Variants in DDX10 observed in about 807,000 individuals in gnomAD.
DDX10 encodes the protein DEAD-box helicase 10.
In DDX10, 74 loss-of-function variants were observed where a neutral mutation model predicts 104.3. The observed-to-expected ratio is 0.71, with a 90% CI of 0.59 to 0.86. The LOEUF (loss-of-function observed/expected upper bound fraction) is 0.86. Ranked by LOEUF, DDX10 falls within the 40% of genes least tolerant of loss-of-function variation. The pLI is 0.00. For missense variants in DDX10, 952 were observed against 1,040.0 expected (o/e 0.92, Z 1.16); for synonymous variants, 351 against 353.4 (o/e 0.99, Z 0.08).
chr11:108,921,455 T>C (rs1027882378), intron 17 of DDX10: 1 of 152,234 alleles, frequency 6.6e-6, no homozygotes, highest in African/African-American at 2.4e-5. Context: ...TAAGATCTTA[T>C]GATGTCAGCT....
intron 15 of DDX10, among the ~76,000 whole-genome samples, chr11:108,848,264 C>G (rs1480109079): frequency 6.6e-6 from 1 of 152,076 alleles, no homozygotes; most frequent in Non-Finnish European, 1.5e-5. Flanking sequence ...TGCCAGAATC[C>G]ATTTTTCCAT....
intron 16 of DDX10, among the ~76,000 whole-genome samples, chr11:108,880,440 T>C (rs755835806): frequency 4.1e-4 from 63 of 152,194 alleles, no homozygotes; most frequent in Non-Finnish European, 3.4e-4. Flanking sequence ...ATAACAGCAT[T>C]GCCTTATGTG....
intron 16 of DDX10, among the ~76,000 whole-genome samples, chr11:108,907,227 T>G (rs769125821): frequency 6.6e-6 from 1 of 152,204 alleles, no homozygotes; most frequent in Non-Finnish European, 1.5e-5. Flanking sequence ...GTGTAAGTGC[T>G]ACTTTATTGA....
At chr11:108,933,714 T>A (rs957467620) in intron 17 of DDX10, among the ~76,000 whole-genome samples, 7 of 152,214 alleles carry the variant, frequency 4.6e-5, no homozygotes, top group Admixed American at 2.6e-4. Flanking sequence ...ATACAGTGTT[T>A]AGAGAAAAAA....
chr11:108,923,835 C>T (rs887063963), intron 17 of DDX10, among the ~76,000 whole-genome samples: 8 of 152,104 alleles, frequency 5.3e-5, no homozygotes, highest in East Asian at 1.9e-4. Context: ...TACACTAAAT[C>T]GGTCTTAGGT....
At chr11:108,889,468 G>T (rs1328802412) in intron 16 of DDX10, among the ~76,000 whole-genome samples, 1 of 151,756 alleles carries the variant, frequency 6.6e-6, no homozygotes, top group Admixed American at 6.6e-5. Flanking sequence ...TAATTGAAAA[G>T]GTACAAAATA....
intron 9 of DDX10, among the ~76,000 whole-genome samples, chr11:108,695,250 G>C (rs2094258111): frequency 6.6e-6 from 1 of 152,172 alleles, no homozygotes. Flanking sequence ...TTATGATTAT[G>C]GTTAGCCACA....
chr11:108,799,655 T>C (rs1861992250), intron 13 of DDX10, among the ~76,000 whole-genome samples: 1 of 152,232 alleles, frequency 6.6e-6, no homozygotes, highest in Admixed American at 6.5e-5. Context: ...AAAGGTCTAG[T>C]CTGAGTTTGT....
At chr11:108,828,487 C>G (rs1862426831) in intron 13 of DDX10, among the ~76,000 whole-genome samples, 1 of 152,116 alleles carries the variant, frequency 6.6e-6, no homozygotes. Flanking sequence ...TTATTTCATT[C>G]CTTTTTACGG....
chr11:108,796,695 C>T lies in DDX10; in HGVS notation c.1966-41751C>T, dbSNP rs143073286. On this transcript the variant is annotated intron_variant, in intron 13 of 17. Coordinates refer to ENST00000322536, the MANE Select transcript of DDX10 (RefSeq NM_004398.4). Reference sequence around the variant, plus strand: ...GAGAGAATAGCCTTTTTAATGCATGCTATTGTTTGAATGTGTCCTCCAAAG... The same window carrying T: ...GAGAGAATAGCCTTTTTAATGCATGTTATTGTTTGAATGTGTCCTCCAAAG... 3.3e-3 allele frequency among the ~76,000 whole-genome samples: 507 copies of T among 152,132 alleles called. 4 individuals carry two copies. Among genetic ancestry groups the T allele is most frequent in the African/African-American group, 0.012 (487 of 41,500 alleles).
chr11:108,839,411 ACTT>A (rs748163133), intron 14 of DDX10, among the ~76,000 whole-genome samples: 3 of 152,086 alleles, frequency 2.0e-5, no homozygotes, highest in Admixed American at 1.3e-4. Flanking sequence ...CTTCCACTCC[ACTT>A]CTTCTTGAGA....
chr11:108,778,097 A>T (rs571948338), intron 13 of DDX10, among the ~76,000 whole-genome samples: 264 of 152,320 alleles, frequency 1.7e-3, no homozygotes, highest in Middle Eastern at 0.01. Flanking sequence ...AAGAGTCAAT[A>T]TTGTGAAGAT....
chr11:108,819,677 T>A (rs1245169918), intron 13 of DDX10, among the ~76,000 whole-genome samples: 1 of 152,002 alleles, frequency 6.6e-6, no homozygotes, highest in Non-Finnish European at 1.5e-5. Flanking sequence ...CAGCTCACTA[T>A]AACCTCCGCC....
intron 16 of DDX10, among the ~76,000 whole-genome samples, chr11:108,888,377 A>G (rs1415094023): frequency 2.6e-5 from 4 of 152,142 alleles, no homozygotes; most frequent in Admixed American, 2.6e-4. Context: ...TTAGCATTGT[A>G]GTTATGTTGG....
rs1349707833 is a variant in DDX10 at position 108,679,356 on chromosome 11, A to G, written c.659-15A>G. On this transcript the variant is annotated splice_polypyrimidine_tract_variant and intron_variant, in intron 5 of 17. Coordinates refer to ENST00000322536, the MANE Select transcript of DDX10 (RefSeq NM_004398.4). Reference sequence around the variant, plus strand: ...TTTTACATATGATAGTTCAACTTGCATTTTCCTTTTTCAGTTCTTGATGAA... The same window carrying G: ...TTTTACATATGATAGTTCAACTTGCGTTTTCCTTTTTCAGTTCTTGATGAA... 1.9e-6 allele frequency: 3 copies of G among 1,581,350 alleles called. No individual in the cohort carries two copies. The highest frequency in any genetic ancestry group is 2.6e-6 in the Non-Finnish European group (3 of 1,169,040).
chr11:108,811,331 G>A (rs987609858), intron 13 of DDX10, among the ~76,000 whole-genome samples: 1 of 152,114 alleles, frequency 6.6e-6, no homozygotes, highest in Non-Finnish European at 1.5e-5. Context: ...CAGCATATTG[G>A]AATGGGCAAA....
intron 16 of DDX10, among the ~76,000 whole-genome samples, chr11:108,913,269 C>T (rs961404357): frequency 6.6e-6 from 1 of 152,004 alleles, no homozygotes; most frequent in African/African-American, 2.4e-5. Context: ...TCCAGAAAGG[C>T]AGGACAACTC....
chr11:108,800,442 C>CACAAA (rs1862004580), intron 13 of DDX10, among the ~76,000 whole-genome samples: 1 of 94,412 alleles, frequency 1.1e-5, no homozygotes, highest in Admixed American at 1.4e-4. Flanking sequence ...GAGACTCTTT[C>CACAAA]AAAAAAAAAA....
intron 13 of DDX10, among the ~76,000 whole-genome samples, chr11:108,801,690 C>G (rs143216828): frequency 0.015 from 2,222 of 152,098 alleles, 29 homozygotes; most frequent in Admixed American, 0.027. Flanking sequence ...AGACACTGTG[C>G]TAAATAAAAA....
Sources: gnomAD v4.1 joint callset for allele counts (sites outside exome capture counted in the v4.1 genomes callset) on GRCh38, gnomAD v4.1.1 for gene constraint, MANE v1.5 for transcripts, NCBI Gene and HGNC (gene_info 2026-07-23, HGNC 2026-07-21) for gene names.